The following HIP1R variants were observed in gnomAD, a reference collection of about 807,000 sequenced individuals.
The protein encoded by HIP1R is huntingtin-interacting protein 1-related protein.
In HIP1R, 135 loss-of-function variants were observed where a neutral mutation model predicts 144.2. The ratio of observed to expected loss-of-function variants is 0.94; its 90% CI spans 0.81 to 1.08. The LOEUF (loss-of-function observed/expected upper bound fraction) is 1.08, where lower values mean the gene tolerates loss of function less well. Among genes scored for constraint, HIP1R ranks in the 50% least tolerant of loss-of-function variants. The pLI is 0.00. For missense variants in HIP1R, 1,462 were observed against 1,432.8 expected (o/e 1.02, Z -0.33); for synonymous variants, 698 against 612.8 (o/e 1.14, Z -2.05).
At position 122,861,203 on chromosome 12, in the gene HIP1R, ATG is replaced by A; in HGVS notation, c.2952+12_2952+13del. Reference sequence around the variant, plus strand: ...GAGATGGAGACCCAGGTAGGCGCCCATGGCTGCCCCGTGACCTCTGAGCTCAT... The same window carrying A: ...GAGATGGAGACCCAGGTAGGCGCCCAGCTGCCCCGTGACCTCTGAGCTCAT... On this transcript the variant is annotated intron_variant, in intron 30 of 31. Coordinates refer to ENST00000253083, the MANE Select transcript of HIP1R (RefSeq NM_003959.3). 6.6e-7 allele frequency: 1 copy of A among 1,508,166 alleles called. No individual in the cohort carries two copies. Among genetic ancestry groups the A allele is most frequent in the Non-Finnish European group, 8.9e-7 (1 of 1,126,172 alleles). The allele number at this position is 1,508,166 out of a possible 1,614,324, so 93.4% of individuals were successfully genotyped here. A position where few individuals can be genotyped will look rare whatever the true frequency, so the allele number is the denominator to read the frequency against.
At position 122,861,471 on chromosome 12, in the gene HIP1R, C is replaced by T. The variant is rs2033770475; in HGVS notation, c.3116C>T (p.Pro1039Leu). 31 of 1,613,476 alleles carry T rather than the reference C, an allele frequency of 1.9e-5. No individual in the cohort carries two copies. Among genetic ancestry groups the T allele is most frequent in the Non-Finnish European group, 2.4e-5 (28 of 1,179,872 alleles). ...APRSVTTKKP[P>L]LAQKPSVAPR... is the part of the protein sequence containing the mutation. ...CGAAGTGTAACCACCAAGAAACCAC[C>T]CCTGGCCCAGAAGCCCAGCGTGGCC... The change falls in exon 31 of 32, where the codon CCC becomes CTC. Residue 1039 changes from proline (P) to leucine (L), a missense_variant. Coordinates refer to ENST00000253083, the MANE Select transcript of HIP1R (RefSeq NM_003959.3).
At chr12:122,852,815 C>T (rs2033439337) in intron 7 of HIP1R, among the ~76,000 whole-genome samples, 1 of 152,060 alleles carries the variant, frequency 6.6e-6, no homozygotes. Context: ...AGCAGATTGC[C>T]GAACAGCATG....
chr12:122,860,922 G>C lies in HIP1R; in HGVS notation c.2773G>C (p.Ala925Pro), dbSNP rs745831920. 1 of 1,610,686 alleles carries C rather than the reference G, an allele frequency of 6.2e-7. No homozygotes were observed. The highest frequency in any genetic ancestry group is 8.5e-7 in the Non-Finnish European group (1 of 1,178,352). Reference protein sequence around the residue: ...AQLVAASKVKANKHSPHLSRL... With the variant: ...AQLVAASKVKPNKHSPHLSRL... ...CTGACCTCTCGCCCCTCAGGTGAAG[G>C]CCAACAAGCACAGCCCCCACCTGAG... Residue 925 changes from alanine to proline, a missense_variant, in exon 29 of 32, where the codon GCC (alanine) becomes CCC (proline). Around this residue, in one of 2 missense-constraint regions of HIP1R, gnomAD observed 1,112 missense variants for 1,011.7 expected, o/e 1.10. Transcript: ENST00000253083.
At position 122,859,763 on chromosome 12, in the gene HIP1R, T is replaced by G. The variant is rs1157062486; in HGVS notation, c.2407-9T>G. On this transcript the variant is annotated splice_polypyrimidine_tract_variant and intron_variant, in intron 23 of 31. Transcript: ENST00000253083. ...CCCAGCCAGCTCACGGCTCTGTTCT[T>G]GGGTGCAGGACATGATGAACCAGGC... 2 of 1,612,594 alleles carry G rather than the reference T, an allele frequency of 1.2e-6. No individual in the cohort carries two copies. Among genetic ancestry groups the G allele is most frequent in the African/African-American group, 2.7e-5 (2 of 74,910 alleles).
In HIP1R at chr12:122,860,659, G is replaced by T; in HGVS notation, c.2661-20G>T. On this transcript the variant is annotated intron_variant, in intron 27 of 31. Transcript: ENST00000253083. The stretch of plus-strand genomic sequence containing the variant: ...CCGTGGGGTCAGAGACCCTGGCCCT[G>T]ACTGGCCCTTGACCCGCAGGGAGGC... 6.2e-7 allele frequency: 1 copy of T among 1,609,358 alleles called. No homozygotes were observed. The highest frequency in any genetic ancestry group is 1.1e-5 in the South Asian group (1 of 90,968).
rs1453383140 is a variant in HIP1R at position 122,857,139 on chromosome 12, C to T, written c.1739C>T (p.Thr580Ile). ...GCGGCGCAGAGCCTGGTGCGCGAGACAGAGGCGGCGCTGAGCCGGGAGCAG... is the reference window on the plus strand; with the variant it reads ...GCGGCGCAGAGCCTGGTGCGCGAGATAGAGGCGGCGCTGAGCCGGGAGCAG... ...LLAAQSLVRE[T>I]EAALSREQQR... is the part of the protein sequence containing the mutation. The change falls in exon 18 of 32, where the codon ACA becomes ATA. Residue 580 changes from threonine (T) to isoleucine (I), a missense_variant. Physicochemically the swap from Thr to Ile is moderately conservative, Grantham distance 89. Around this residue, in one of 2 missense-constraint regions of HIP1R, gnomAD observed 1,112 missense variants for 1,011.7 expected, o/e 1.10. Coordinates refer to ENST00000253083, the MANE Select transcript of HIP1R (RefSeq NM_003959.3). The T allele has an allele frequency of 5.8e-6, 9 of 1,550,332 alleles. No individual in the cohort carries two copies. The highest frequency in any genetic ancestry group is 2.4e-5 in the East Asian group (1 of 40,932).
chr12:122,861,689 A>C lies in HIP1R; in HGVS notation c.3160-17A>C, dbSNP rs2033778507. On this transcript the variant is annotated splice_polypyrimidine_tract_variant and intron_variant, in intron 31 of 31. Coordinates refer to ENST00000253083, the MANE Select transcript of HIP1R (RefSeq NM_003959.3). ...GCCTGGCTGTGACCACTGACCCCCC[A>C]CCTTTAACCCCTGCAGCTTGACAAA... 1 of 1,613,678 alleles carries C rather than the reference A, an allele frequency of 6.2e-7. No homozygotes were observed. Among genetic ancestry groups the C allele is most frequent in the Non-Finnish European group, 8.5e-7 (1 of 1,179,882 alleles).
intron 18 of HIP1R, 42 bp from the exon 19 acceptor site, chr12:122,858,056 GCCTT>G: frequency 7.0e-7 from 1 of 1,419,988 alleles, no homozygotes. Flanking sequence ...CACATCCTTG[GCCTT>G]GGGGAGGATC....
At position 122,860,962 on chromosome 12, in the gene HIP1R, G is replaced by T. The variant is rs34149579; in HGVS notation, c.2813G>T (p.Cys938Phe). The change falls in exon 29 of 32, where the codon TGT becomes TTT. Residue 938 changes from cysteine to phenylalanine, a missense_variant. By Grantham distance (205) the Cys-to-Phe change is radical (BLOSUM62 -2). Transcript: ENST00000253083. ...HSPHLSRLQECSRTVNERAAN... is the reference protein window; with the variant it reads ...HSPHLSRLQEFSRTVNERAAN... ...CCCCACCTGAGCCGCCTGCAGGAAT[G>T]TTCTCGCACAGTCAATGAGAGGGCT... is the stretch of plus-strand genomic sequence containing the variant. 0.043 allele frequency: 69,854 copies of T among 1,613,470 alleles called. 1,886 individuals carry two copies. Among genetic ancestry groups the T allele is most frequent in the Non-Finnish European group, 0.052 (61,758 of 1,179,948 alleles).
At chr12:122,848,904 T>G (rs1272221796) in intron 4 of HIP1R, 52 bp downstream of exon 4, 1 of 1,585,324 alleles carries the variant, frequency 6.3e-7, no homozygotes, top group South Asian at 1.1e-5. Flanking sequence ...TTCCTGAGCG[T>G]GTGGGGCTGA....
In HIP1R at chr12:122,840,885, T is replaced by C. The variant is rs1007259244; in HGVS notation, c.93+5242T>C. Among the ~76,000 whole-genome samples the C allele has an allele frequency of 1.3e-5, 2 of 152,158 alleles. No homozygotes were observed. Among genetic ancestry groups the C allele is most frequent in the South Asian group, 2.1e-4 (1 of 4,832 alleles). On this transcript the variant is annotated intron_variant, in intron 1 of 31. Transcript: ENST00000253083. This position sits in a 1 kb window ranked among gnomAD's most constrained non-coding sequence, Gnocchi z 4.2. Reference sequence around the variant, plus strand: ...CAGCAGGAGCCTTGCCTGGCAGAACTGCTCACCCTCTGAATAGGGACAGGC... The same window carrying C: ...CAGCAGGAGCCTTGCCTGGCAGAACCGCTCACCCTCTGAATAGGGACAGGC...
chr12:122,861,251 C>A (rs2033761835), intron 30 of HIP1R, 57 bp from the exon 31 acceptor site: 1 of 1,613,212 alleles, frequency 6.2e-7, no homozygotes, highest in Non-Finnish European at 8.5e-7. Flanking sequence ...AAGCCTGGAC[C>A]CAGGAGAGAG....
intron 7 of HIP1R, among the ~76,000 whole-genome samples, chr12:122,853,294 A>G (rs1593877538): frequency 1.9e-5 from 1 of 53,512 alleles, no homozygotes; most frequent in Admixed American, 1.6e-4. Context: ...GGGGCAGGGG[A>G]GACGGGCCCT....
chr12:122,856,590 G>A, intron 16 of HIP1R, 35 bp from the exon 17 acceptor site: 1 of 1,598,878 alleles, frequency 6.3e-7, no homozygotes, highest in Non-Finnish European at 8.5e-7. Flanking sequence ...GGCATCCCCA[G>A]CCCACTGCCC....
In HIP1R at chr12:122,860,680, G is replaced by A; in HGVS notation, c.2662G>A (p.Glu888Lys). 1 of 1,613,184 alleles carries A rather than the reference G, an allele frequency of 6.2e-7. No individual in the cohort carries two copies. The highest frequency in any genetic ancestry group is 2.2e-5 in the East Asian group (1 of 44,876). ...CCCTGACTGGCCCTTGACCCGCAGG[G>A]AGGCAGCTGACAAGGTGGTGCTTCA... ...AVGWGATQLVEAADKVVLHTG... is the reference protein window; with the variant it reads ...AVGWGATQLVKAADKVVLHTG... The change falls in exon 28 of 32, where the codon GAG (glutamate) becomes AAG (lysine). Residue 888 changes from glutamate to lysine, a missense_variant and splice_region_variant. Glu to Lys is a moderately conservative substitution (Grantham distance 56). Transcript: ENST00000253083.
chr12:122,858,358 T>A lies in HIP1R; in HGVS notation c.1973T>A (p.Val658Glu), dbSNP rs1346891435. The A allele has an allele frequency of 1.9e-6, 3 of 1,609,456 alleles. No homozygotes were observed. The highest frequency in any genetic ancestry group is 3.3e-5 in the Admixed American group (2 of 59,716). ...CTCCTCGTGCTTGCAGACTACCTGG[T>A]GAGCAGGGCCCAGGAGGCCTTGGAT... ...LRCTSSPDYL[V>E]SRAQEALDAV... The change falls in exon 20 of 32, where the codon GTG becomes GAG. Residue 658 changes from valine to glutamate, a missense_variant. Physicochemically the swap from Val to Glu is moderately radical, Grantham distance 121 (BLOSUM62 -2). Coordinates refer to ENST00000253083, the MANE Select transcript of HIP1R (RefSeq NM_003959.3).
chr12:122,840,358 C>T lies in HIP1R; in HGVS notation c.93+4715C>T, dbSNP rs1234690497. Reference sequence around the variant, plus strand: ...AGGAAGGTCCGAGTCATCTTTGTACCCTCTAAGAGGTGGAGAGATGCCAAC... The same window carrying T: ...AGGAAGGTCCGAGTCATCTTTGTACTCTCTAAGAGGTGGAGAGATGCCAAC... On this transcript the variant is annotated intron_variant, in intron 1 of 31. Transcript: ENST00000253083. The surrounding 1 kb of genome is among the most constrained non-coding windows in gnomAD (Gnocchi z 4.2). Among the ~76,000 whole-genome samples, 1 of 152,200 alleles carries T rather than the reference C, an allele frequency of 6.6e-6. No individual in the cohort carries two copies. The highest frequency in any genetic ancestry group is 1.9e-4 in the East Asian group (1 of 5,198).
At chr12:122,846,084 G>C (rs559341254) in intron 1 of HIP1R, among the ~76,000 whole-genome samples, 5 of 152,178 alleles carry the variant, frequency 3.3e-5, no homozygotes, top group African/African-American at 1.2e-4. Flanking sequence ...CTCAGGTGTC[G>C]GCAGCTGGGG....
At chr12:122,845,462 C>T (rs1353108286) in intron 1 of HIP1R, among the ~76,000 whole-genome samples, 4 of 152,226 alleles carry the variant, frequency 2.6e-5, no homozygotes, top group East Asian at 1.9e-4. Context: ...CTGCCGCCAG[C>T]GCGGGGAGCA....
Sources: gnomAD v4.1 joint callset for allele counts (sites outside exome capture counted in the v4.1 genomes callset) on GRCh38, gnomAD v4.1.1 for gene constraint, gnomAD v4.1.1 regional missense constraint, Gnocchi (gnomAD v3.1) non-coding constraint, MANE v1.5 for transcripts, NCBI Gene and HGNC (gene_info 2026-07-23, HGNC 2026-07-21) for gene names.